SLC7A5: variants seen among roughly 807,000 people sequenced by gnomAD.
SLC7A5 encodes the protein solute carrier family 7 member 5.
In SLC7A5, 23 loss-of-function variants were observed where a neutral mutation model predicts 50.2. The ratio of observed to expected loss-of-function variants is 0.46; its 90% CI spans 0.33 to 0.65. SLC7A5 has a LOEUF of 0.65. SLC7A5 is among the 30% of genes least tolerant of loss of function. The pLI is 0.02. For missense variants in SLC7A5, 578 were observed against 684.4 expected (o/e 0.84, Z 1.73); for synonymous variants, 393 against 330.6 (o/e 1.19, Z -2.05).
chr16:87,837,842 T>C lies in SLC7A5; in HGVS notation c.1140+3A>G. The C allele has an allele frequency of 6.2e-7, 1 of 1,601,208 alleles. No individual in the cohort carries two copies. Among genetic ancestry groups the C allele is most frequent in the East Asian group, 2.3e-5 (1 of 44,444 alleles). ...AGGGCACAGGGCCGTGCAGCAGGCT[T>C]ACCGTGAACACGAGGGACGGCACGG... On this transcript the variant is annotated splice_donor_region_variant and intron_variant, in intron 7 of 9. Transcript: ENST00000261622.
chr16:87,858,280 C>T (rs549820497), intron 1 of SLC7A5, among the ~76,000 whole-genome samples: 45 of 152,284 alleles, frequency 3.0e-4, no homozygotes, highest in African/African-American at 1.0e-3. Context: ...TGTCTTACGG[C>T]GCCCCATGAA....
chr16:87,844,935 G>A (rs1441774752), intron 2 of SLC7A5, among the ~76,000 whole-genome samples: 1 of 152,260 alleles, frequency 6.6e-6, no homozygotes, highest in African/African-American at 2.4e-5. Flanking sequence ...CTTGAGATGA[G>A]ATCATCCCGG....
At position 87,832,706 on chromosome 16, in the gene SLC7A5, G is replaced by C; in HGVS notation, c.*264C>G. Reference sequence around the variant, plus strand: ...AATATATATATAAGTAAACAAAGGAGGGAAGGGAAAAAGGGCCCAAGGAGA... The same window carrying C: ...AATATATATATAAGTAAACAAAGGACGGAAGGGAAAAAGGGCCCAAGGAGA... On this transcript the variant is annotated 3_prime_UTR_variant, in exon 10 of 10. Coordinates refer to ENST00000261622, the MANE Select transcript of SLC7A5 (RefSeq NM_003486.7). This position sits in a 1 kb window ranked among gnomAD's most constrained non-coding sequence, Gnocchi z 4.6. 1 of 337,188 alleles carries C rather than the reference G, an allele frequency of 3.0e-6. No homozygotes were observed. The allele number at this position is 337,188 out of a possible 1,614,324, so 20.9% of individuals were successfully genotyped here.
chr16:87,837,703 C>A, intron 7 of SLC7A5, 142 bp downstream of exon 7: 1 of 659,744 alleles, frequency 1.5e-6, no homozygotes, highest in Non-Finnish European at 2.7e-6. Context: ...CTCTGGCATT[C>A]AGCGGAGCTC....
Position 87,862,167 on chromosome 16 carries a change from G to A in SLC7A5, c.538+6718C>T, listed in dbSNP as rs1459951584. 6.6e-6 allele frequency among the ~76,000 whole-genome samples: 1 copy of A among 152,110 alleles called. No individual in the cohort carries two copies. Among genetic ancestry groups the A allele is most frequent in the Non-Finnish European group, 1.5e-5 (1 of 67,994 alleles). On this transcript the variant is annotated intron_variant, in intron 1 of 9. Transcript: ENST00000261622. This position sits in a 1 kb window ranked among gnomAD's most constrained non-coding sequence, Gnocchi z 5.3. ...ATACCCCAGGGGGGCCCTGGAACAG[G>A]CCTGGACTGAGAAGCGGGGCTACAG...
chr16:87,834,772 T>C (rs2054977315), intron 8 of SLC7A5, 181 bp from the exon 9 acceptor site: 2 of 677,744 alleles, frequency 3.0e-6, no homozygotes, highest in Non-Finnish European at 5.3e-6. Flanking sequence ...CGACTCTGCA[T>C]ACAGTGCTGG....
rs1266771925 is a variant in SLC7A5, at chr16:87,861,798, T to C, written c.538+7087A>G. On this transcript the variant is annotated intron_variant, in intron 1 of 9. Transcript: ENST00000261622. The surrounding 1 kb of genome is among the most constrained non-coding windows in gnomAD (Gnocchi z 4.2). ...AAAGGGTCACAAGTGCCCGTTAGGC[T>C]CTCCTGTGTGGCTCAGGTCATGTGC... Among the ~76,000 whole-genome samples, 1 of 152,318 alleles carries C rather than the reference T, an allele frequency of 6.6e-6. No homozygotes were observed. Among genetic ancestry groups the C allele is most frequent in the East Asian group, 1.9e-4 (1 of 5,176 alleles).
intron 5 of SLC7A5, 41 bp downstream of exon 5, chr16:87,839,661 C>A: frequency 1.9e-6 from 3 of 1,611,532 alleles, no homozygotes; most frequent in Non-Finnish European, 8.5e-7. Flanking sequence ...CTGGCCACAG[C>A]CTCTCAGGCC....
At chr16:87,846,880 G>A (rs1194016351) in intron 2 of SLC7A5, among the ~76,000 whole-genome samples, 2 of 152,216 alleles carry the variant, frequency 1.3e-5, no homozygotes, top group Non-Finnish European at 2.9e-5. Flanking sequence ...CCGGGGACGC[G>A]GTGAGCCTGG....
rs543091980 is a variant in SLC7A5 at position 87,832,265 on chromosome 16, C to G, written c.*705G>C. On this transcript the variant is annotated 3_prime_UTR_variant, in exon 10 of 10. Coordinates refer to ENST00000261622, the MANE Select transcript of SLC7A5 (RefSeq NM_003486.7). This position sits in a 1 kb window ranked among gnomAD's most constrained non-coding sequence, Gnocchi z 4.6. ...AGGCCTGGTGAGCTAGGGGAGATGC[C>G]GGCACCCCCCAACCCTGGGGCTGTT... The G allele has an allele frequency of 2.6e-5, 4 of 152,210 alleles. No individual in the cohort carries two copies. Among genetic ancestry groups the G allele is most frequent in the Non-Finnish European group, 5.9e-5 (4 of 68,100 alleles). The allele number at this position is 152,210 out of a possible 1,614,324, so 9.4% of individuals were successfully genotyped here.
chr16:87,850,336 G>A (rs935965477), intron 2 of SLC7A5, among the ~76,000 whole-genome samples: 1 of 152,164 alleles, frequency 6.6e-6, no homozygotes, highest in Non-Finnish European at 1.5e-5. Context: ...TGGCCTGGCC[G>A]TGCATGGGGG....
Position 87,854,108 on chromosome 16 carries a change from C to A in SLC7A5, c.539-2259G>T, listed in dbSNP as rs572350428. The A allele has an allele frequency of 2.4e-3, 352 of 147,692 alleles. 1 individual carries two copies. Among genetic ancestry groups the A allele is most frequent in the African/African-American group, 8.3e-3 (330 of 39,600 alleles). 9.1% of individuals were successfully genotyped at this position (147,692 alleles called of 1,614,324 possible). On this transcript the variant is annotated intron_variant, in intron 1 of 9. Coordinates refer to ENST00000261622, the MANE Select transcript of SLC7A5 (RefSeq NM_003486.7). ...CACCGCCAGCCTGACCCTGCCTGCC[C>A]AGTTCCAACCCAGCCGCTCCCCAAC...
chr16:87,863,381 G>A (rs1181708842), intron 1 of SLC7A5, among the ~76,000 whole-genome samples: 1 of 152,152 alleles, frequency 6.6e-6, no homozygotes, highest in East Asian at 1.9e-4. Context: ...GGGGCCCAGG[G>A]AGGTCAGATA....
In SLC7A5 at chr16:87,855,466, C is replaced by T. The variant is rs1162143057; in HGVS notation, c.539-3617G>A. Reference sequence around the variant, plus strand: ...GCTCAATCACACACGTGCACACACACGCACAGCACCCCCACAACTTGTAAA... The same window carrying T: ...GCTCAATCACACACGTGCACACACATGCACAGCACCCCCACAACTTGTAAA... On this transcript the variant is annotated intron_variant, in intron 1 of 9. Coordinates refer to ENST00000261622, the MANE Select transcript of SLC7A5 (RefSeq NM_003486.7). Among the ~76,000 whole-genome samples the T allele has an allele frequency of 5.9e-5, 9 of 152,282 alleles. No individual in the cohort carries two copies. In the East Asian group the frequency reaches 9.7e-4, roughly 16 times the overall value.
At position 87,831,515 on chromosome 16, in the gene SLC7A5, GAC is replaced by G. The variant is rs34684838; in HGVS notation, c.*1453_*1454del. ...CCGGCTTCGTTGGCTCCCGGCTTGG[GAC>G]ACTCAGGGCTGTGCCACAGGCCAGC... On this transcript the variant is annotated 3_prime_UTR_variant, in exon 10 of 10. Transcript: ENST00000261622. 0.21 allele frequency: 32,426 copies of G among 152,120 alleles called. 4,217 individuals are homozygous for G. The highest frequency in any genetic ancestry group is 0.36 in the South Asian group (1,723 of 4,824). 9.4% of individuals were successfully genotyped at this position (152,120 alleles called of 1,614,324 possible).
intron 1 of SLC7A5, among the ~76,000 whole-genome samples, chr16:87,859,799 A>G (rs575993538): frequency 2.2e-4 from 34 of 152,116 alleles, no homozygotes; most frequent in African/African-American, 8.2e-4. Context: ...TTAGCCAGGC[A>G]TGGTGGCGGC....
rs536142977 is a variant in SLC7A5 at position 87,841,067 on chromosome 16, G to A, written c.753C>T (p.Leu251=). 15 of 1,613,358 alleles carry A rather than the reference G, an allele frequency of 9.3e-6. No individual in the cohort carries two copies. The East Asian group carries it at 3.1e-4, about 34-fold the overall frequency. The change falls in exon 3 of 10, where the codon CTC becomes CTT. Residue 251 remains leucine (L), a synonymous_variant. Transcript: ENST00000261622. This position sits in a 1 kb window ranked among gnomAD's most constrained non-coding sequence, Gnocchi z 4.8. The part of the protein sequence containing the change: ...GNIVLALYSG[L]FAYGGWNYLN... ...GAACCTACCATCCTCCATAGGCAAAGAGGCCGCTGTATAATGCCAGCACAA... is the reference window on the plus strand; with the variant it reads ...GAACCTACCATCCTCCATAGGCAAAAAGGCCGCTGTATAATGCCAGCACAA...
Position 87,841,329 on chromosome 16 carries a change from C to T in SLC7A5, c.665-174G>A, listed in dbSNP as rs558562051. ...TGAGCCACATGGAGGGTGCAGGGTT[C>T]CAACCACAACCAGGGGGATGTGGCC... On this transcript the variant is annotated intron_variant, in intron 2 of 9. Coordinates refer to ENST00000261622, the MANE Select transcript of SLC7A5 (RefSeq NM_003486.7). This position sits in a 1 kb window ranked among gnomAD's most constrained non-coding sequence, Gnocchi z 4.8. 2.6e-5 allele frequency among the ~76,000 whole-genome samples: 4 copies of T among 152,126 alleles called. No individual in the cohort carries two copies. Among genetic ancestry groups the T allele is most frequent in the Admixed American group, 1.3e-4 (2 of 15,284 alleles).
rs1034763023 is a variant in SLC7A5 at position 87,842,743 on chromosome 16, G to T, written c.665-1588C>A. Among the ~76,000 whole-genome samples, 37 of 152,220 alleles carry T rather than the reference G, an allele frequency of 2.4e-4. 1 individual carries two copies. Among genetic ancestry groups the T allele is most frequent in the Non-Finnish European group, 1.5e-5 (1 of 68,052 alleles). On this transcript the variant is annotated intron_variant, in intron 2 of 9. Transcript: ENST00000261622. ...CTTGATCTCCTGAGAAGGAGCTCCA[G>T]GGCCCACTGCCTGCGTGTGATGTAT...
Sources: allele counts gnomAD v4.1 joint callset (sites outside exome capture counted in the v4.1 genomes callset), GRCh38; gene constraint gnomAD v4.1.1; non-coding constraint Gnocchi (gnomAD v3.1); transcripts MANE v1.5; gene names NCBI Gene and HGNC (gene_info 2026-07-23, HGNC 2026-07-21).